SLC4A1: variants seen among roughly 807,000 people sequenced by gnomAD.
SLC4A1 encodes band 3 anion transport protein.
In SLC4A1, 29 loss-of-function variants were observed where a neutral mutation model predicts 93.1. The observed-to-expected ratio is 0.31, with a 90% CI of 0.23 to 0.42. SLC4A1 has a LOEUF of 0.42. Ranked by LOEUF, SLC4A1 falls within the 20% of genes least tolerant of loss-of-function variation. The probability of loss-of-function intolerance (pLI) is 1.00; values close to 1 mark genes in which losing one functional copy is unlikely to be tolerated. For synonymous variants in SLC4A1, 469 were observed against 497.2 expected (o/e 0.94, Z 0.76); for missense variants, 965 against 1,190.1 (o/e 0.81, Z 2.78).
chr17:44,259,056 G>T, intron 9 of SLC4A1, 107 bp downstream of exon 9: 1 of 1,199,988 alleles, frequency 8.3e-7, no homozygotes, highest in Non-Finnish European at 1.2e-6. Flanking sequence ...GGCTGAATGG[G>T]TCAAACCAGT....
chr17:44,264,238 T>C (rs2047476497), intron 1 of SLC4A1, among the ~76,000 whole-genome samples: 1 of 152,136 alleles, frequency 6.6e-6, no homozygotes, highest in Non-Finnish European at 1.5e-5. Flanking sequence ...GGCAGGCAGA[T>C]TGCTTGAGCT....
Position 44,251,720 on chromosome 17 carries a change from C to CTTTTTTTTTTT in SLC4A1, c.2312-143_2312-133dup, listed in dbSNP as rs67064853. Reference sequence around the variant, plus strand: ...GCCATTTCTTTTTTCCTTTTCTTTTCTTTTTTTTTTTTTTTTTTTGTTTTT... The same window carrying CTTTTTTTTTTT: ...GCCATTTCTTTTTTCCTTTTCTTTTCTTTTTTTTTTTTTTTTTTTTTTTTTTTTTTGTTTTT... On this transcript the variant is annotated intron_variant, in intron 17 of 19. Transcript: ENST00000262418. The CTTTTTTTTTTT allele has an allele frequency of 2.4e-3, 929 of 392,620 alleles. 72 individuals carry two copies. Among genetic ancestry groups the CTTTTTTTTTTT allele is most frequent in the African/African-American group, 5.2e-3 (171 of 32,770 alleles). The allele number at this position is 392,620 out of a possible 1,614,324, so 24.3% of individuals were successfully genotyped here. A position where few individuals can be genotyped will look rare whatever the true frequency, so the allele number is the denominator to read the frequency against.
intron 1 of SLC4A1, among the ~76,000 whole-genome samples, chr17:44,264,422 C>T (rs532174469): frequency 6.6e-6 from 1 of 152,196 alleles, no homozygotes; most frequent in Non-Finnish European, 1.5e-5. Context: ...GGCACCACTG[C>T]ACTCCAGCCT....
In SLC4A1 at chr17:44,254,460, CACCCTCCCAGGCCCAG is replaced by C; in HGVS notation, c.2057+20_2057+35del. The stretch of plus-strand genomic sequence containing the variant: ...ATGCCAGGGAAAGGTCCCTGCCTCC[CACCCTCCCAGGCCCAG>C]CCCCCACCCTGTCTCTCACGTGGTG... On this transcript the variant is annotated intron_variant, in intron 16 of 19. Coordinates refer to ENST00000262418, the MANE Select transcript of SLC4A1 (RefSeq NM_000342.4). The C allele has an allele frequency of 2.9e-5, 37 of 1,288,770 alleles. No homozygotes were observed. The highest frequency in any genetic ancestry group is 4.0e-5 in the Non-Finnish European group (36 of 897,236). 79.8% of individuals were successfully genotyped at this position (1,288,770 alleles called of 1,614,324 possible).
intron 17 of SLC4A1, among the ~76,000 whole-genome samples, chr17:44,252,020 G>A (rs1240296266): frequency 1.4e-5 from 2 of 144,952 alleles, no homozygotes; most frequent in East Asian, 2.0e-4. Context: ...GAGATCCCAC[G>A]CCTGGCCTGG....
At chr17:44,262,064 G>T in intron 3 of SLC4A1, 2 of 1,122,860 alleles carry the variant, frequency 1.8e-6, no homozygotes, top group Non-Finnish European at 2.2e-6. Context: ...GTCTCACTGA[G>T]CTGAGGCACC....
At chr17:44,257,298 TCA>T in intron 13 of SLC4A1, 50 bp downstream of exon 13, 2 of 1,574,038 alleles carry the variant, frequency 1.3e-6, no homozygotes, top group East Asian at 4.5e-5. Flanking sequence ...GGCCACTGTC[TCA>T]GTCTTATACA....
rs368203456 is a variant in SLC4A1 at position 44,254,671 on chromosome 17, G to A, written c.1891-9C>T. ...TCAGGCACCGAGAGTTTCTGTGGGA[G>A]GGGGTAGCAGGTAAGAATGCCAAGG... On this transcript the variant is annotated splice_polypyrimidine_tract_variant and intron_variant, in intron 15 of 19. Coordinates refer to ENST00000262418, the MANE Select transcript of SLC4A1 (RefSeq NM_000342.4). The A allele has an allele frequency of 1.8e-5, 29 of 1,613,430 alleles. No homozygotes were observed. The highest frequency in any genetic ancestry group is 1.1e-4 in the African/African-American group (8 of 74,902).
rs1431094425 is a variant in SLC4A1 at position 44,258,332 on chromosome 17, T to C, written c.1087+81A>G. On this transcript the variant is annotated intron_variant, in intron 10 of 19. Transcript: ENST00000262418. The surrounding 1 kb of genome is among the most constrained non-coding windows in gnomAD (Gnocchi z 6.1). ...CAAAGGGAGCGATGAGAGGGGAACA[T>C]GTGATGGGAGACAGAGGCTACGCTG... is the stretch of plus-strand genomic sequence containing the variant. 5 of 1,447,610 alleles carry C rather than the reference T, an allele frequency of 3.5e-6. No homozygotes were observed. The highest frequency in any genetic ancestry group is 4.9e-6 in the Non-Finnish European group (5 of 1,030,586). 89.7% of individuals were successfully genotyped at this position (1,447,610 alleles called of 1,614,324 possible).
chr17:44,261,490 C>T, intron 4 of SLC4A1, 85 bp downstream of exon 4: 1 of 1,611,388 alleles, frequency 6.2e-7, no homozygotes, highest in Non-Finnish European at 8.5e-7. Context: ...GAAGCTGCCT[C>T]TATCCCCTTG....
At position 44,251,607 on chromosome 17, in the gene SLC4A1, C is replaced by G. The variant is rs753213140; in HGVS notation, c.2312-19G>C. The stretch of plus-strand genomic sequence containing the variant: ...GACAGGCCTGTGGGGGAGCCGCACA[C>G]TCTCAGCCCAGGTTGCCCGAGGCCT... On this transcript the variant is annotated intron_variant, in intron 17 of 19. Coordinates refer to ENST00000262418, the MANE Select transcript of SLC4A1 (RefSeq NM_000342.4). 1.2e-6 allele frequency: 2 copies of G among 1,613,362 alleles called. No individual in the cohort carries two copies. Among genetic ancestry groups the G allele is most frequent in the Non-Finnish European group, 1.7e-6 (2 of 1,179,760 alleles).
chr17:44,257,493 A>C lies in SLC4A1; in HGVS notation c.1483T>G (p.Phe495Val). 6.2e-7 allele frequency: 1 copy of C among 1,613,800 alleles called. No individual in the cohort carries two copies. The highest frequency in any genetic ancestry group is 8.5e-7 in the Non-Finnish European group (1 of 1,179,944). The change falls in exon 13 of 20, where the codon TTC (phenylalanine) becomes GTC (valine). Residue 495 changes from phenylalanine (F) to valine (V), a missense_variant. Transcript: ENST00000262418. ...AACACCACCAGCAGGATGAGCCAGAAGCCGATCCACACGCGGCCCACGATG... is the reference window on the plus strand; with the variant it reads ...AACACCACCAGCAGGATGAGCCAGACGCCGATCCACACGCGGCCCACGATG... ...EYIVGRVWIG[F>V]WLILLVVLVV...
At chr17:44,265,634 G>A (rs2047490108) in intron 1 of SLC4A1, among the ~76,000 whole-genome samples, 1 of 152,150 alleles carries the variant, frequency 6.6e-6, no homozygotes, top group Admixed American at 6.5e-5. Flanking sequence ...GCCTCCCAAA[G>A]TGCTGGGATT....
chr17:44,264,117 C>G (rs375449867), intron 1 of SLC4A1, among the ~76,000 whole-genome samples: 1 of 152,210 alleles, frequency 6.6e-6, no homozygotes, highest in East Asian at 1.9e-4. Flanking sequence ...AACCTCCCAC[C>G]TCAGCCTCCA....
rs772799864 is a variant in SLC4A1 at position 44,253,097 on chromosome 17, C to T, written c.2311+21G>A. 9.3e-6 allele frequency: 15 copies of T among 1,606,432 alleles called. No individual in the cohort carries two copies. In the Admixed American group the frequency reaches 1.8e-4, roughly 20 times the overall value. ...GTGAGGGGCAGGAGGATGGTGAAGACGCGACCCAGCTTTCACTCACCCACA... is the reference window on the plus strand; with the variant it reads ...GTGAGGGGCAGGAGGATGGTGAAGATGCGACCCAGCTTTCACTCACCCACA... On this transcript the variant is annotated intron_variant, in intron 17 of 19. Transcript: ENST00000262418.
At chr17:44,255,375 C>A in intron 14 of SLC4A1, 79 bp from the exon 15 acceptor site, 1 of 1,085,712 alleles carries the variant, frequency 9.2e-7, no homozygotes, top group South Asian at 1.4e-5. Context: ...TATATTCACC[C>A]ACGGGGCCCT....
At chr17:44,254,360 A>T in intron 16 of SLC4A1, 136 bp downstream of exon 16, 1 of 784,956 alleles carries the variant, frequency 1.3e-6, no homozygotes, top group Non-Finnish European at 2.2e-6. Context: ...GCTTTTCACT[A>T]TTCCTGCTAG....
rs867833983 is a variant in SLC4A1, at chr17:44,268,053, C to A, written c.-69+1G>T. The A allele has an allele frequency of 1.0e-6, 1 of 985,344 alleles. No homozygotes were observed. Among genetic ancestry groups the A allele is most frequent in the Non-Finnish European group, 1.2e-6 (1 of 829,868 alleles). The allele number at this position is 985,344 out of a possible 1,614,324, so 61.0% of individuals were successfully genotyped here. On this transcript the variant is annotated splice_donor_variant, in intron 1 of 19. Coordinates refer to ENST00000262418, the MANE Select transcript of SLC4A1 (RefSeq NM_000342.4). LOFTEE classifies it low-confidence loss of function (5UTR_SPLICE). The stretch of plus-strand genomic sequence containing the variant: ...CCCCAGCCCCTCCCTGCCCTGCCCA[C>A]CTGCTCACGAGCCTCAGGGTCCCTT...
At chr17:44,259,737 C>T in intron 7 of SLC4A1, 72 bp downstream of exon 7, 11 of 1,609,454 alleles carry the variant, frequency 6.8e-6, no homozygotes, top group Non-Finnish European at 9.3e-6. Context: ...TTTTCAGGAC[C>T]CCTGCTGGCG....
Sources: allele counts gnomAD v4.1 joint callset (sites outside exome capture counted in the v4.1 genomes callset), GRCh38; gene constraint gnomAD v4.1.1; non-coding constraint Gnocchi (gnomAD v3.1); transcripts MANE v1.5; gene names NCBI Gene and HGNC (gene_info 2026-07-23, HGNC 2026-07-21).